CENPC: variants seen among roughly 807,000 people sequenced by gnomAD.
CENPC encodes centromere protein C, also known as CENP-C 1.
CENPC carries 63 observed loss-of-function variants against 112.1 expected under a neutral mutation model. The observed-to-expected ratio is 0.56, with a 90% CI of 0.46 to 0.69. The LOEUF (loss-of-function observed/expected upper bound fraction) is 0.69. Among genes scored for constraint, CENPC ranks in the 30% least tolerant of loss-of-function variants. The pLI is 0.00. For missense variants in CENPC, 1,000 were observed against 1,103.8 expected (o/e 0.91, Z 1.33); for synonymous variants, 333 against 367.6 (o/e 0.91, Z 1.08).
At chr4:67,532,855 CCTG>C (rs1297868519) in intron 4 of CENPC, among the ~76,000 whole-genome samples, 1 of 152,132 alleles carries the variant, frequency 6.6e-6, no homozygotes, top group Admixed American at 6.6e-5. Context: ...ACGTAACAAA[CCTG>C]CACGTTGTGC....
intron 5 of CENPC, among the ~76,000 whole-genome samples, chr4:67,520,496 C>A (rs1726192383): frequency 6.6e-6 from 1 of 152,082 alleles, no homozygotes; most frequent in Admixed American, 6.5e-5. Context: ...AGGCCAGCAA[C>A]CCCCTGTCCT....
At position 67,514,403 on chromosome 4, in the gene CENPC, G is replaced by A; in HGVS notation, c.1115C>T (p.Thr372Ile). 1.2e-6 allele frequency: 2 copies of A among 1,613,604 alleles called. No homozygotes were observed. The highest frequency in any genetic ancestry group is 1.1e-5 in the South Asian group (1 of 91,076). The change falls in exon 8 of 19, where the codon ACA (threonine) becomes ATA (isoleucine). Residue 372 changes from threonine to isoleucine, a missense_variant. Physicochemically the swap from Thr to Ile is moderately conservative, Grantham distance 89. Transcript: ENST00000273853. ...KHSHKPHPVE[T>I]SQPSDKTVLD... ...TACTGTTTTATCAGAGGGCTGAGAT[G>A]TCTCTACTGGGTGAGGTTTATGGGA...
Position 67,472,758 on chromosome 4 carries a change from GT to G in CENPC, c.2762-84del. ...TTAAGTATGTAGTCATCACCTGACA[GT>G]TGTAGTATAGGACACAAGATAAAAA... On this transcript the variant is annotated intron_variant, in intron 18 of 18. Transcript: ENST00000273853. The G allele has an allele frequency of 3.8e-6, 5 of 1,309,562 alleles. No homozygotes were observed. The South Asian group carries it at 1.1e-4, about 30-fold the overall frequency. 81.1% of individuals were successfully genotyped at this position (1,309,562 alleles called of 1,614,324 possible).
At chr4:67,504,956 A>C in intron 12 of CENPC, 1 of 463,916 alleles carries the variant, frequency 2.2e-6, no homozygotes, top group Non-Finnish European at 3.8e-6. Flanking sequence ...TTATTAGCTT[A>C]ACAATTTTAA....
chr4:67,521,480 G>A (rs1726228215), intron 5 of CENPC, among the ~76,000 whole-genome samples: 1 of 152,056 alleles, frequency 6.6e-6, no homozygotes, highest in African/African-American at 2.4e-5. Context: ...AAACTACAAT[G>A]AGATACTACA....
rs901552222 is a variant in CENPC at position 67,541,029 on chromosome 4, C to A, written c.87G>T (p.Glu29Asp). ...RPSRARDINT[E>D]QGQNVLEILQ... ...AGATTTCCAGAACATTCTGGCCTTG[C>A]TCTGTGTTAATGTCACGTGCCCTAA... The change falls in exon 3 of 19, where the codon GAG (glutamate) becomes GAT (aspartate). Residue 29 changes from glutamate (E) to aspartate (D), a missense_variant. Transcript: ENST00000273853. 8 of 1,609,466 alleles carry A rather than the reference C, an allele frequency of 5.0e-6. No individual in the cohort carries two copies. The highest frequency in any genetic ancestry group is 6.8e-6 in the Non-Finnish European group (8 of 1,177,874).
At chr4:67,496,644 T>C (rs1047968868) in intron 12 of CENPC, among the ~76,000 whole-genome samples, 2 of 152,160 alleles carry the variant, frequency 1.3e-5, no homozygotes, top group Admixed American at 1.3e-4. Flanking sequence ...TCATAACATC[T>C]AATTTCCCTG....
intron 17 of CENPC, among the ~76,000 whole-genome samples, chr4:67,483,982 C>T (rs1725021860): frequency 6.6e-6 from 1 of 152,064 alleles, no homozygotes; most frequent in African/African-American, 2.4e-5. Context: ...TTTAGTGTGG[C>T]CTAAGTCTAC....
At chr4:67,484,986 G>A (rs1247386068) in intron 17 of CENPC, among the ~76,000 whole-genome samples, 2 of 152,058 alleles carry the variant, frequency 1.3e-5, no homozygotes, top group Non-Finnish European at 2.9e-5. Context: ...CCAGTTACTC[G>A]GGAGGCTGAG....
At position 67,472,582 on chromosome 4, in the gene CENPC, T is replaced by C; in HGVS notation, c.*23A>G. ...TTTCACATATACATATATACATACA[T>C]ATATTTAAGGTTGGTTGATCTTTCA... On this transcript the variant is annotated 3_prime_UTR_variant, in exon 19 of 19. Coordinates refer to ENST00000273853, the MANE Select transcript of CENPC (RefSeq NM_001812.4). 6.8e-7 allele frequency: 1 copy of C among 1,464,558 alleles called. No individual in the cohort carries two copies. The highest frequency in any genetic ancestry group is 9.0e-7 in the Non-Finnish European group (1 of 1,113,956). The allele number at this position is 1,464,558 out of a possible 1,614,324, so 90.7% of individuals were successfully genotyped here.
intron 14 of CENPC, 147 bp from the exon 15 acceptor site, chr4:67,493,144 C>G (rs1725330411): frequency 3.4e-6 from 2 of 584,570 alleles, no homozygotes; most frequent in Non-Finnish European, 5.6e-6. Context: ...AAATACCAAC[C>G]AATTTCATTA....
intron 18 of CENPC, among the ~76,000 whole-genome samples, chr4:67,473,752 A>C (rs1560415900): frequency 2.0e-5 from 3 of 151,980 alleles, no homozygotes; most frequent in Non-Finnish European, 4.4e-5. Context: ...GGGTCTTCCT[A>C]GGTTGCCCAG....
chr4:67,515,557 A>G (rs1264474749), intron 7 of CENPC, among the ~76,000 whole-genome samples: 1 of 151,922 alleles, frequency 6.6e-6, no homozygotes, highest in Non-Finnish European at 1.5e-5. Flanking sequence ...ACATAGCAAC[A>G]CCAAATACAC....
intron 12 of CENPC, chr4:67,504,985 T>C (rs1324148491): frequency 2.3e-5 from 12 of 527,950 alleles, no homozygotes; most frequent in Non-Finnish European, 3.7e-5. Context: ...GTAGACACCT[T>C]AAGTGCCAAT....
In CENPC at chr4:67,519,448, T is replaced by C. The variant is rs1266940638; in HGVS notation, c.386A>G (p.Asn129Ser). 1.2e-6 allele frequency: 2 copies of C among 1,606,730 alleles called. No homozygotes were observed. The highest frequency in any genetic ancestry group is 1.3e-5 in the African/African-American group (1 of 74,830). Residue 129 changes from asparagine to serine, a missense_variant, in exon 6 of 19, where the codon AAT (asparagine) becomes AGT (serine). By Grantham distance (46) the Asn-to-Ser change is conservative (BLOSUM62 1). Transcript: ENST00000273853. The stretch of plus-strand genomic sequence containing the variant: ...TGATATTTTTTTCGAGTCAGGTGTA[T>C]TTTTGGAACTAACATCAGTTGCCAG... Reference protein sequence around the residue: ...KILATDVSSKNTPDSKKISSR... With the variant: ...KILATDVSSKSTPDSKKISSR...
intron 7 of CENPC, among the ~76,000 whole-genome samples, chr4:67,516,921 T>C (rs1313877496): frequency 6.6e-6 from 1 of 151,942 alleles, no homozygotes; most frequent in Non-Finnish European, 1.5e-5. Flanking sequence ...ATAGTTATAT[T>C]TGACTACAAC....
chr4:67,525,853 T>C (rs1321022928), intron 5 of CENPC, among the ~76,000 whole-genome samples: 1 of 152,202 alleles, frequency 6.6e-6, no homozygotes, highest in Non-Finnish European at 1.5e-5. Context: ...ATCATTCTGC[T>C]ATAAAGACAC....
At chr4:67,487,017 T>G (rs1725114696) in intron 17 of CENPC, among the ~76,000 whole-genome samples, 2 of 149,830 alleles carry the variant, frequency 1.3e-5, no homozygotes, top group Non-Finnish European at 3.0e-5. Flanking sequence ...GCAAGACTAC[T>G]TCTTGGATAG....
chr4:67,493,278 AAGG>A (rs1370805714), intron 14 of CENPC: 100 of 196,826 alleles, frequency 5.1e-4, no homozygotes, highest in Non-Finnish European at 1.4e-4. Context: ...AAAAAAAAAA[AAGG>A]AGGGGGCTAG....
Sources: allele counts gnomAD v4.1 joint callset (sites outside exome capture counted in the v4.1 genomes callset), GRCh38; gene constraint gnomAD v4.1.1; transcripts MANE v1.5; gene names NCBI Gene and HGNC (gene_info 2026-07-23, HGNC 2026-07-21).